APP: variants seen among roughly 807,000 people sequenced by gnomAD.
The protein encoded by APP is amyloid beta precursor protein.
A neutral mutation model predicts 101.4 loss-of-function variants in APP; 31 were observed. The observed-to-expected ratio is 0.31, with a 90% CI of 0.23 to 0.41. APP has a LOEUF of 0.41. APP is among the 10% of genes least tolerant of loss of function. The pLI is 1.00. For missense variants in APP, 839 were observed against 1,003.7 expected (o/e 0.84, Z 2.22); for synonymous variants, 366 against 364.4 (o/e 1.00, Z -0.05).
At chr21:26,009,718 T>C (rs2043702015) in intron 6 of APP, 1 of 151,926 alleles carries the variant, frequency 6.6e-6, no homozygotes, top group Non-Finnish European at 1.5e-5. Flanking sequence ...GCCTCCCGAG[T>C]AGCTGGGACC....
intron 13 of APP, among the ~76,000 whole-genome samples, chr21:25,952,203 CACACACACACACACACACACACAT>C (rs1439104945): frequency 2.0e-4 from 31 of 151,422 alleles, no homozygotes; most frequent in African/African-American, 7.3e-4. Flanking sequence ...CACACACACA[CACACACACACACACACACACACAT>C]TAAGAGCACA....
chr21:25,925,799 G>A (rs2039869569), intron 13 of APP, among the ~76,000 whole-genome samples: 1 of 152,144 alleles, frequency 6.6e-6, no homozygotes, highest in Non-Finnish European at 1.5e-5. Flanking sequence ...AGCCAGGCAC[G>A]GTGGTGTGTG....
intron 10 of APP, 145 bp from the exon 11 acceptor site, chr21:25,975,373 C>A: frequency 9.2e-7 from 1 of 1,083,490 alleles, no homozygotes; most frequent in Non-Finnish European, 1.4e-6. Context: ...CCAACATTGA[C>A]TAATTCTACG....
chr21:25,892,143 AG>A (rs527350045), intron 16 of APP, among the ~76,000 whole-genome samples: 151 of 72,494 alleles, frequency 2.1e-3, no homozygotes, highest in African/African-American at 8.5e-3. Context: ...CCCCAGTTCG[AG>A]GAAGTCTACT....
At chr21:25,929,085 A>C (rs2040028477) in intron 13 of APP, 1 of 152,200 alleles carries the variant, frequency 6.6e-6, no homozygotes, top group Admixed American at 6.5e-5. Flanking sequence ...AGAAACAGCT[A>C]TCTCTTCACT....
chr21:25,954,822 G>A (rs1331249398), intron 12 of APP, 133 bp from the exon 13 acceptor site: 8 of 737,552 alleles, frequency 1.1e-5, no homozygotes, highest in Non-Finnish European at 1.8e-5. Context: ...ACCAAGCACT[G>A]CAGGTAGATA....
intron 2 of APP, among the ~76,000 whole-genome samples, chr21:26,090,525 CT>C (rs11288362): frequency 1 from 152,286 of 152,286 alleles, 76,143 homozygotes; most frequent in Non-Finnish European, 1. Flanking sequence ...AGCAATGCAA[CT>C]TTTTAATTTA....
At chr21:26,054,966 G>A (rs530927478) in intron 3 of APP, among the ~76,000 whole-genome samples, 1 of 152,262 alleles carries the variant, frequency 6.6e-6, no homozygotes, top group South Asian at 2.1e-4. Context: ...GCTCAAACAT[G>A]TAAGATGTAG....
chr21:26,156,361 G>T (rs1037738696), intron 1 of APP, among the ~76,000 whole-genome samples: 3 of 152,150 alleles, frequency 2.0e-5, no homozygotes, highest in African/African-American at 7.2e-5. Context: ...ATAGTTTCTA[G>T]AGAGCTTATT....
chr21:26,036,090 T>C (rs1179191852), intron 5 of APP, among the ~76,000 whole-genome samples: 1 of 152,152 alleles, frequency 6.6e-6, no homozygotes, highest in Non-Finnish European at 1.5e-5. Flanking sequence ...TGGCCTAGTC[T>C]ACTTACAAAT....
chr21:25,944,892 A>C (rs1343699691), intron 13 of APP, among the ~76,000 whole-genome samples: 1 of 152,220 alleles, frequency 6.6e-6, no homozygotes, highest in Non-Finnish European at 1.5e-5. Context: ...GTCTGACTTC[A>C]CTTCCCAATC....
intron 13 of APP, among the ~76,000 whole-genome samples, chr21:25,926,510 T>C (rs575854910): frequency 1.3e-5 from 2 of 152,314 alleles, no homozygotes; most frequent in East Asian, 3.9e-4. Flanking sequence ...GGCCTTTTCA[T>C]ACCCATCTGC....
intron 5 of APP, among the ~76,000 whole-genome samples, chr21:26,024,792 G>T (rs768698014): frequency 6.6e-6 from 1 of 152,176 alleles, no homozygotes; most frequent in Non-Finnish European, 1.5e-5. Flanking sequence ...TCAAAAAAAT[G>T]TGTATGACCC....
rs1423507031 is a variant in APP at position 25,897,661 on chromosome 21, G to T, written c.1976C>A (p.Thr659Lys). ...GLTTRPGSGLTNIKTEEISEV... is the reference protein window; with the variant it reads ...GLTTRPGSGLKNIKTEEISEV... ...AGAGATCTCCTCCGTCTTGATATTT[G>T]TCAACCCAGAACCTGTATTACATCA... Residue 659 changes from threonine (T) to lysine (K), a missense_variant, in exon 16 of 18, where the codon ACA (threonine) becomes AAA (lysine). Physicochemically the swap from Thr to Lys is moderately conservative, Grantham distance 78. Coordinates refer to ENST00000346798, the MANE Select transcript of APP (RefSeq NM_000484.4). 6.2e-7 allele frequency: 1 copy of T among 1,613,078 alleles called. No individual in the cohort carries two copies. Among genetic ancestry groups the T allele is most frequent in the Admixed American group, 1.7e-5 (1 of 60,020 alleles).
chr21:26,135,916 G>A (rs1043424944), intron 1 of APP, among the ~76,000 whole-genome samples: 16 of 151,836 alleles, frequency 1.1e-4, no homozygotes, highest in Admixed American at 9.8e-4. Flanking sequence ...GGCGGATCAC[G>A]AGGTCAGAAG....
chr21:25,975,061 G>A lies in APP; in HGVS notation c.1458+9C>T, dbSNP rs201937048. On this transcript the variant is annotated intron_variant, in intron 11 of 17. Transcript: ENST00000346798. ...CCTGAAGTGTGAACTCGGCTGCAGC[G>A]AGACCTACCCGAGGAGGAACAGCCT... The A allele has an allele frequency of 8.2e-5, 133 of 1,613,974 alleles. No individual in the cohort carries two copies. In the East Asian group the frequency reaches 1.4e-3, roughly 17 times the overall value.
chr21:25,913,828 T>C (rs1477944879), intron 13 of APP, among the ~76,000 whole-genome samples: 1 of 152,228 alleles, frequency 6.6e-6, no homozygotes, highest in Non-Finnish European at 1.5e-5. Context: ...TGTCATTTTC[T>C]TCTTGTATCT....
intron 6 of APP, among the ~76,000 whole-genome samples, chr21:26,010,516 T>TA (rs2043744436): frequency 6.6e-6 from 1 of 152,008 alleles, no homozygotes; most frequent in Admixed American, 6.6e-5. Flanking sequence ...GAGCTTACAT[T>TA]AAAATGAGAC....
chr21:26,109,282 GTGGGGTC>G (rs1036584428), intron 2 of APP, among the ~76,000 whole-genome samples: 5 of 152,370 alleles, frequency 3.3e-5, no homozygotes, highest in African/African-American at 1.2e-4. Flanking sequence ...AGTGTTGGAA[GTGGGGTC>G]TGGTGGGAAG....
Sources: allele counts gnomAD v4.1 joint callset (sites outside exome capture counted in the v4.1 genomes callset), GRCh38; gene constraint gnomAD v4.1.1; transcripts MANE v1.5; gene names NCBI Gene and HGNC (gene_info 2026-07-23, HGNC 2026-07-21).